EYS: variants seen among roughly 807,000 people sequenced by gnomAD.
EYS encodes protein eyes shut homolog.
In EYS, 250 loss-of-function variants were observed where a neutral mutation model predicts 282.1. That is an observed-to-expected ratio of 0.89 (90% CI 0.80 to 0.98). The LOEUF (loss-of-function observed/expected upper bound fraction) is 0.98. EYS is among the 50% of genes least tolerant of loss of function. The pLI is 0.00. For synonymous variants in EYS, 1,355 were observed against 1,282.9 expected (o/e 1.06, Z -1.20); for missense variants, 4,016 against 3,709.0 (o/e 1.08, Z -2.15).
At chr6:65,090,390 C>T (rs563018126) in intron 12 of EYS, among the ~76,000 whole-genome samples, 9 of 152,232 alleles carry the variant, frequency 5.9e-5, no homozygotes, top group African/African-American at 2.2e-4. Flanking sequence ...GCCTCACCTG[C>T]CATGCAGAAC....
At chr6:65,100,595 C>T (rs540796127) in intron 12 of EYS, among the ~76,000 whole-genome samples, 4 of 150,628 alleles carry the variant, frequency 2.7e-5, no homozygotes, top group Non-Finnish European at 6.0e-5. Context: ...AGAAAATATT[C>T]TATAGTACAA....
intron 12 of EYS, among the ~76,000 whole-genome samples, chr6:65,151,117 A>C (rs982122048): frequency 2.6e-5 from 4 of 151,942 alleles, no homozygotes. Context: ...ATGATTACAT[A>C]AAATAAGTTT....
intron 37 of EYS, among the ~76,000 whole-genome samples, chr6:63,801,964 T>C (rs1430570418): frequency 6.6e-6 from 1 of 152,210 alleles, no homozygotes; most frequent in African/African-American, 2.4e-5. Flanking sequence ...AAAGGCAGCA[T>C]ATGGTATGGT....
intron 29 of EYS, among the ~76,000 whole-genome samples, chr6:64,317,813 A>C (rs1166733162): frequency 6.6e-6 from 1 of 152,180 alleles, no homozygotes; most frequent in African/African-American, 2.4e-5. Context: ...GATAAAGAAA[A>C]TGTGGCACAT....
chr6:64,664,909 A>G (rs1769176492), intron 22 of EYS, among the ~76,000 whole-genome samples: 2 of 152,210 alleles, frequency 1.3e-5, no homozygotes, highest in Non-Finnish European at 2.9e-5. Context: ...TGAACAGACC[A>G]AGACAAGTAC....
At chr6:65,250,600 A>T (rs535066041) in intron 12 of EYS, among the ~76,000 whole-genome samples, 1 of 152,128 alleles carries the variant, frequency 6.6e-6, no homozygotes, top group African/African-American at 2.4e-5. Flanking sequence ...TTCTATTTTT[A>T]TCCCAACTTA....
chr6:65,611,916 C>A lies in EYS; in HGVS notation c.-333+27862G>T, dbSNP rs576671391. On this transcript the variant is annotated intron_variant, in intron 2 of 42. Coordinates refer to ENST00000503581, the MANE Select transcript of EYS (RefSeq NM_001142800.2). ...AGGTATATCAACAGAAGAATAAAGT[C>A]TAAAGTGCAAAGTAGACATTTGCTT... 2.6e-5 allele frequency among the ~76,000 whole-genome samples: 4 copies of A among 151,980 alleles called. No homozygotes were observed. In the East Asian group the frequency reaches 7.7e-4, roughly 29 times the overall value.
intron 35 of EYS, among the ~76,000 whole-genome samples, chr6:63,943,895 T>C (rs1217479440): frequency 6.6e-6 from 1 of 152,176 alleles, no homozygotes; most frequent in Non-Finnish European, 1.5e-5. Context: ...TAATATTCAA[T>C]AAGAGGTTTT....
chr6:65,356,884 T>C (rs1040161857), intron 8 of EYS, among the ~76,000 whole-genome samples: 6 of 152,006 alleles, frequency 3.9e-5, no homozygotes, highest in Admixed American at 2.6e-4. Flanking sequence ...ACCTTGTGTG[T>C]TCATGTGAGG....
At chr6:63,732,944 CAG>C (rs1244735779) in intron 41 of EYS, among the ~76,000 whole-genome samples, 3 of 151,882 alleles carry the variant, frequency 2.0e-5, no homozygotes, top group Admixed American at 2.0e-4. Context: ...CTTAGAAAAA[CAG>C]GGAAAGGAGA....
intron 35 of EYS, among the ~76,000 whole-genome samples, chr6:63,910,284 T>C (rs766872065): frequency 6.6e-6 from 1 of 152,178 alleles, no homozygotes; most frequent in Non-Finnish European, 1.5e-5. Context: ...TCAGTGGTGG[T>C]GTTGAAAGCA....
intron 12 of EYS, among the ~76,000 whole-genome samples, chr6:65,109,198 T>G (rs1022172522): frequency 6.6e-6 from 1 of 152,078 alleles, no homozygotes; most frequent in Non-Finnish European, 1.5e-5. Context: ...CTTTTAGAAT[T>G]TTTTTCTGTT....
intron 12 of EYS, among the ~76,000 whole-genome samples, chr6:65,169,868 A>G (rs1273593748): frequency 1.3e-5 from 2 of 151,510 alleles, no homozygotes; most frequent in Non-Finnish European, 3.0e-5. Context: ...TTCCTTTGGT[A>G]CTATACACAT....
chr6:65,640,506 C>A (rs754756390), intron 1 of EYS, among the ~76,000 whole-genome samples: 2 of 152,064 alleles, frequency 1.3e-5, no homozygotes, highest in African/African-American at 2.4e-5. Flanking sequence ...AAAGCAAAAT[C>A]AGCTACTCCT....
intron 26 of EYS, among the ~76,000 whole-genome samples, chr6:64,505,790 A>G (rs1278013154): frequency 1.3e-5 from 2 of 152,238 alleles, no homozygotes; most frequent in Middle Eastern, 3.2e-3. Flanking sequence ...AGTCTGCACC[A>G]TGAACTATAA....
chr6:64,282,972 C>A (rs72882127), intron 30 of EYS, among the ~76,000 whole-genome samples: 1 of 152,130 alleles, frequency 6.6e-6, no homozygotes, highest in Non-Finnish European at 1.5e-5. Flanking sequence ...CTTGTCACTG[C>A]TCAAAACTCT....
At chr6:64,917,258 A>C (rs548530302) in intron 15 of EYS, among the ~76,000 whole-genome samples, 2 of 152,030 alleles carry the variant, frequency 1.3e-5, no homozygotes, top group South Asian at 4.2e-4. Context: ...CAAAAAAAAA[A>C]AAAACAAAAT....
intron 12 of EYS, among the ~76,000 whole-genome samples, chr6:65,181,578 G>A (rs1253811951): frequency 6.6e-6 from 1 of 152,068 alleles, no homozygotes; most frequent in African/African-American, 2.4e-5. Context: ...GAGAGGATAT[G>A]GAGAAATAGG....
At chr6:64,071,402 A>T (rs1771570216) in intron 32 of EYS, among the ~76,000 whole-genome samples, 1 of 151,740 alleles carries the variant, frequency 6.6e-6, no homozygotes, top group African/African-American at 2.4e-5. Flanking sequence ...CCATGGGGAG[A>T]CTATTTTTTT....
Sources: gnomAD v4.1 joint callset for allele counts (sites outside exome capture counted in the v4.1 genomes callset) on GRCh38, gnomAD v4.1.1 for gene constraint, MANE v1.5 for transcripts, NCBI Gene and HGNC (gene_info 2026-07-23, HGNC 2026-07-21) for gene names.